The following USP43 variants were observed in gnomAD, a reference collection of about 807,000 sequenced individuals.
USP43 encodes the protein ubiquitin carboxyl-terminal hydrolase 43.
A neutral mutation model predicts 90.7 loss-of-function variants in USP43; 33 were observed. The observed-to-expected ratio is 0.36, with a 90% CI of 0.28 to 0.49. The LOEUF (loss-of-function observed/expected upper bound fraction) is 0.49, where lower values mean the gene tolerates loss of function less well. Ranked by LOEUF, USP43 falls within the 20% of genes least tolerant of loss-of-function variation. The pLI is 0.98. For missense variants in USP43, 1,274 were observed against 1,476.4 expected (o/e 0.86, Z 2.25); for synonymous variants, 598 against 615.8 (o/e 0.97, Z 0.43).
intron 9 of USP43, among the ~76,000 whole-genome samples, chr17:9,694,692 G>A (rs542429039): frequency 5.9e-5 from 9 of 151,918 alleles, no homozygotes; most frequent in African/African-American, 2.2e-4. Context: ...GCGCCATCTC[G>A]GCTCCCTGCA....
rs1426735973 is a variant in USP43, at chr17:9,728,578, A to G, written c.2960A>G (p.Glu987Gly). 10 of 1,613,966 alleles carry G rather than the reference A, an allele frequency of 6.2e-6. No homozygotes were observed. Among genetic ancestry groups the G allele is most frequent in the Non-Finnish European group, 7.6e-6 (9 of 1,179,888 alleles). ...AAAGACAGTCGCCGAGGCACCTCTG[A>G]GCTAGACAGACCCCTGCAGGGGACA... is the stretch of plus-strand genomic sequence containing the variant. ...NSKDSRRGTS[E>G]LDRPLQGTLT... The change falls in exon 15 of 15, where the codon GAG (glutamate) becomes GGG (glycine). Residue 987 changes from glutamate to glycine, a missense_variant. Glu to Gly is a moderately conservative substitution (Grantham distance 98). Around this residue, in one of 6 missense-constraint regions of USP43, gnomAD observed 353 missense variants for 329.7 expected, o/e 1.07. Coordinates refer to ENST00000285199, the MANE Select transcript of USP43 (RefSeq NM_153210.5). This position sits in a 1 kb window ranked among gnomAD's most constrained non-coding sequence, Gnocchi z 6.2.
intron 12 of USP43, among the ~76,000 whole-genome samples, chr17:9,708,262 G>C (rs1915999754): frequency 6.6e-6 from 1 of 152,118 alleles, no homozygotes; most frequent in South Asian, 2.1e-4. Flanking sequence ...TTTCCAAAGG[G>C]GTGATAAATC....
Position 9,729,108 on chromosome 17 carries a change from AAAT to A in USP43, c.*119_*121del. Reference sequence around the variant, plus strand: ...CCGTTGTCTTGTAATCTCTAAAAAAAAATTTTTTTTTTTTTGTGGTGGGGGGTC... The same window carrying A: ...CCGTTGTCTTGTAATCTCTAAAAAAATTTTTTTTTTTTGTGGTGGGGGGTC... On this transcript the variant is annotated 3_prime_UTR_variant, in exon 15 of 15. Coordinates refer to ENST00000285199, the MANE Select transcript of USP43 (RefSeq NM_153210.5). The A allele has an allele frequency of 1.7e-6, 2 of 1,174,864 alleles. No individual in the cohort carries two copies. Among genetic ancestry groups the A allele is most frequent in the Non-Finnish European group, 2.2e-6 (2 of 889,300 alleles). 72.8% of individuals were successfully genotyped at this position (1,174,864 alleles called of 1,614,324 possible). A position where few individuals can be genotyped will look rare whatever the true frequency, so the allele number is the denominator to read the frequency against.
rs1567661136 is a variant in USP43, at chr17:9,681,461, A to AC, written c.1105+1095_1105+1096insC. ...ATATAGATAAATATATATAAAATATATTATATATATATATATATATATATA... is the reference window on the plus strand; with the variant it reads ...ATATAGATAAATATATATAAAATATACTTATATATATATATATATATATATA... On this transcript the variant is annotated intron_variant, in intron 6 of 14. Coordinates refer to ENST00000285199, the MANE Select transcript of USP43 (RefSeq NM_153210.5). 4.9e-3 allele frequency among the ~76,000 whole-genome samples: 320 copies of AC among 65,006 alleles called. 5 individuals carry two copies. Among genetic ancestry groups the AC allele is most frequent in the Non-Finnish European group, 8.1e-3 (273 of 33,530 alleles). 42.6% of individuals were successfully genotyped at this position (65,006 alleles called of 152,430 possible).
At chr17:9,662,013 A>G (rs144526590) in intron 2 of USP43, among the ~76,000 whole-genome samples, 1 of 152,248 alleles carries the variant, frequency 6.6e-6, no homozygotes, top group African/African-American at 2.4e-5. Context: ...GTCAAGAATC[A>G]GGCAGCTGTG....
chr17:9,647,189 T>A (rs952790723), intron 1 of USP43: 2 of 151,618 alleles, frequency 1.3e-5, no homozygotes, highest in Non-Finnish European at 2.9e-5. Context: ...AACCTGTCAG[T>A]GTTCATTCCA....
chr17:9,669,472 A>G (rs1008139980), intron 3 of USP43, among the ~76,000 whole-genome samples: 10 of 152,094 alleles, frequency 6.6e-5, no homozygotes, highest in Non-Finnish European at 1.3e-4. Context: ...TCCTGGCTGA[A>G]TCCTTGTTGA....
At chr17:9,656,118 C>T (rs1393746968) in intron 1 of USP43, among the ~76,000 whole-genome samples, 4 of 152,152 alleles carry the variant, frequency 2.6e-5, no homozygotes, top group African/African-American at 9.7e-5. Flanking sequence ...TCAAAATATT[C>T]AACAGAGACC....
At chr17:9,648,362 G>T (rs1713308038) in intron 1 of USP43, among the ~76,000 whole-genome samples, 1 of 152,230 alleles carries the variant, frequency 6.6e-6, no homozygotes. Context: ...CCAGAGAGTA[G>T]ACTAGGAATG....
At chr17:9,653,547 C>T (rs534288812) in intron 1 of USP43, among the ~76,000 whole-genome samples, 18 of 151,496 alleles carry the variant, frequency 1.2e-4, no homozygotes, top group African/African-American at 4.4e-4. Flanking sequence ...AAGGTCGTGC[C>T]ATTGCACTCC....
At chr17:9,676,677 C>G in intron 4 of USP43, 69 bp from the exon 5 acceptor site, 1 of 1,541,744 alleles carries the variant, frequency 6.5e-7, no homozygotes. Flanking sequence ...TGGCCTTGAT[C>G]CATTATCAAC....
chr17:9,710,750 C>G (rs1284872856), intron 13 of USP43, among the ~76,000 whole-genome samples: 1 of 151,940 alleles, frequency 6.6e-6, no homozygotes, highest in Non-Finnish European at 1.5e-5. Context: ...ACCTCTTGAT[C>G]CACCCATCTC....
In USP43 at chr17:9,691,731, G is replaced by T. The variant is rs186120565; in HGVS notation, c.1354-1396G>T. On this transcript the variant is annotated intron_variant, in intron 8 of 14. Transcript: ENST00000285199. ...AGGGTTCCAGTTTCTCCAAATTCTT[G>T]CCAATGCTTGTTATTTTCCATTAAA... is the stretch of plus-strand genomic sequence containing the variant. Among the ~76,000 whole-genome samples the T allele has an allele frequency of 3.0e-3, 457 of 151,886 alleles. 1 individual carries two copies. Among genetic ancestry groups the T allele is most frequent in the South Asian group, 6.2e-3 (30 of 4,802 alleles).
chr17:9,678,338 G>A (rs1417864827), intron 5 of USP43, among the ~76,000 whole-genome samples: 1 of 152,110 alleles, frequency 6.6e-6, no homozygotes, highest in African/African-American at 2.4e-5. Context: ...ATAGATATAT[G>A]TACTTGGATT....
intron 2 of USP43, among the ~76,000 whole-genome samples, chr17:9,665,081 G>A (rs949921076): frequency 4.6e-5 from 7 of 152,172 alleles, no homozygotes; most frequent in African/African-American, 7.2e-5. Flanking sequence ...TGTGTCCCAT[G>A]TGTGGTAGGG....
Position 9,710,050 on chromosome 17 carries a change from T to C in USP43, c.2106T>C (p.Ala702=). ...AAGATGAGGTCAACACCAGAGGGGCTTATATCCTGTTCTATCAGAAGCGGA... is the reference window on the plus strand; with the variant it reads ...AAGATGAGGTCAACACCAGAGGGGCCTATATCCTGTTCTATCAGAAGCGGA... ...LREDEVNTRG[A]YILFYQKRNS... Residue 702 remains alanine (A), a synonymous_variant, in exon 13 of 15, where the codon GCT becomes GCC. Coordinates refer to ENST00000285199, the MANE Select transcript of USP43 (RefSeq NM_153210.5). The C allele has an allele frequency of 6.4e-7, 1 of 1,570,000 alleles. No individual in the cohort carries two copies. Among genetic ancestry groups the C allele is most frequent in the Non-Finnish European group, 8.6e-7 (1 of 1,157,554 alleles).
At chr17:9,691,671 T>C (rs1438842384) in intron 8 of USP43, among the ~76,000 whole-genome samples, 1 of 152,144 alleles carries the variant, frequency 6.6e-6, no homozygotes. Flanking sequence ...ACAGCAGCTG[T>C]ACCATCCATT....
chr17:9,687,673 G>T (rs966130028), intron 8 of USP43, among the ~76,000 whole-genome samples: 27 of 152,164 alleles, frequency 1.8e-4, no homozygotes, highest in Non-Finnish European at 3.1e-4. Context: ...CATAGTAAAA[G>T]CTTTTTATTT....
intron 14 of USP43, among the ~76,000 whole-genome samples, chr17:9,724,076 C>A (rs1461959750): frequency 6.6e-6 from 1 of 152,158 alleles, no homozygotes; most frequent in East Asian, 1.9e-4. Flanking sequence ...GACCGCCAGA[C>A]CCCCTCATGC....
Sources: allele counts gnomAD v4.1 joint callset (sites outside exome capture counted in the v4.1 genomes callset), GRCh38; gene constraint gnomAD v4.1.1; regional missense constraint gnomAD v4.1.1; non-coding constraint Gnocchi (gnomAD v3.1); transcripts MANE v1.5; gene names NCBI Gene and HGNC (gene_info 2026-07-23, HGNC 2026-07-21).